The following MAML1 variants were observed in gnomAD, a reference collection of about 807,000 sequenced individuals.
MAML1 encodes mastermind like transcriptional coactivator 1, also known as mastermind-like protein 1.
Under a neutral mutation model 77.1 loss-of-function variants are expected in MAML1, and 14 were observed. The ratio of observed to expected loss-of-function variants is 0.18; its 90% CI spans 0.12 to 0.28. MAML1 has a LOEUF of 0.28. Ranked by LOEUF, MAML1 falls within the 10% of genes least tolerant of loss-of-function variation. The pLI is 1.00. For synonymous variants in MAML1, 516 were observed against 551.9 expected (o/e 0.93, Z 0.91); for missense variants, 1,217 against 1,327.8 (o/e 0.92, Z 1.30).
intron 1 of MAML1, among the ~76,000 whole-genome samples, chr5:179,750,561 A>G (rs987344119): frequency 6.6e-6 from 1 of 151,968 alleles, no homozygotes; most frequent in African/African-American, 2.4e-5. Flanking sequence ...CCCGGGCTCA[A>G]GCTATTCTCC....
intron 1 of MAML1, among the ~76,000 whole-genome samples, chr5:179,735,982 G>A (rs988502095): frequency 1.3e-5 from 2 of 152,028 alleles, no homozygotes; most frequent in African/African-American, 2.4e-5. Flanking sequence ...CACCGCGCCC[G>A]GCCTATGCTA....
chr5:179,744,414 C>G (rs187856124), intron 1 of MAML1, among the ~76,000 whole-genome samples: 1 of 152,150 alleles, frequency 6.6e-6, no homozygotes, highest in African/African-American at 2.4e-5. Context: ...CTTGAACCTC[C>G]TGACCTCATG....
intron 1 of MAML1, among the ~76,000 whole-genome samples, chr5:179,746,328 G>C (rs562422802): frequency 6.6e-5 from 10 of 152,100 alleles, no homozygotes; most frequent in Admixed American, 6.5e-4. Flanking sequence ...CCTGGCGGCA[G>C]AGCGAGACTC....
At chr5:179,756,018 C>T (rs1779607971) in intron 1 of MAML1, among the ~76,000 whole-genome samples, 1 of 151,650 alleles carries the variant, frequency 6.6e-6, no homozygotes, top group Non-Finnish European at 1.5e-5. Context: ...CCTGCCTCAG[C>T]TTCCCAAAGT....
intron 1 of MAML1, among the ~76,000 whole-genome samples, chr5:179,749,970 G>T (rs558266393): frequency 1.7e-4 from 26 of 152,330 alleles, no homozygotes; most frequent in Non-Finnish European, 2.6e-4. Flanking sequence ...TCTTGCTCAC[G>T]ACTTCCTCAG....
chr5:179,752,344 A>ATATATATATATATATAT lies in MAML1; in HGVS notation c.316-12982_316-12981insTATATATATATATATAT, dbSNP rs1292142222. Among the ~76,000 whole-genome samples, 35 of 93,194 alleles carry ATATATATATATATATAT rather than the reference A, an allele frequency of 3.8e-4. 2 individuals carry two copies. Among genetic ancestry groups the ATATATATATATATATAT allele is most frequent in the Non-Finnish European group, 5.3e-4 (26 of 49,094 alleles). The allele number at this position is 93,194 out of a possible 152,430, so 61.1% of individuals were successfully genotyped here. On this transcript the variant is annotated intron_variant, in intron 1 of 4. Coordinates refer to ENST00000292599, the MANE Select transcript of MAML1 (RefSeq NM_014757.5). ...TGTCTCCAAAAAAAAAAAAAAAAAAAAAAAAAATATATATATATATATGGT... is the reference window on the plus strand; with the variant it reads ...TGTCTCCAAAAAAAAAAAAAAAAAAATATATATATATATATATAAAAAAATATATATATATATATGGT...
At chr5:179,736,543 G>T (rs1034279212) in intron 1 of MAML1, among the ~76,000 whole-genome samples, 4 of 151,854 alleles carry the variant, frequency 2.6e-5, no homozygotes, top group African/African-American at 7.2e-5. Context: ...GAGCCGCCAC[G>T]CTTGGCCTGT....
chr5:179,733,088 GC>G lies in MAML1; in HGVS notation c.-22del. 1 of 1,332,802 alleles carries G rather than the reference GC, an allele frequency of 7.5e-7. No individual in the cohort carries two copies. The highest frequency in any genetic ancestry group is 9.6e-7 in the Non-Finnish European group (1 of 1,041,972). 82.6% of individuals were successfully genotyped at this position (1,332,802 alleles called of 1,614,324 possible). ...CCGGCCCCGAGAGGCCCGGCCCCGG[GC>G]CCGGCCCGTGCAGCCCGCGGCCCAT... On this transcript the variant is annotated 5_prime_UTR_variant, in exon 1 of 5. Coordinates refer to ENST00000292599, the MANE Select transcript of MAML1 (RefSeq NM_014757.5).
rs549813058 is a variant in MAML1, at chr5:179,742,100, TGACCTCAGGTGATCCACCCGCCTC to T, written c.315+8675_315+8698del. Among the ~76,000 whole-genome samples, 1,006 of 151,492 alleles carry T rather than the reference TGACCTCAGGTGATCCACCCGCCTC, an allele frequency of 6.6e-3. 8 individuals carry two copies. The highest frequency in any genetic ancestry group is 0.012 in the Non-Finnish European group (788 of 67,728). On this transcript the variant is annotated intron_variant, in intron 1 of 4. Transcript: ENST00000292599. ...GTTTGCCAGATTGGTCTCGAACTCC[TGACCTCAGGTGATCCACCCGCCTC>T]GGTCTCCCAAAGTGCCGGGATTACA... is the stretch of plus-strand genomic sequence containing the variant.
chr5:179,776,947 G>C lies in MAML1; in HGVS notation c.*2070G>C. 1.0e-6 allele frequency: 1 copy of C among 985,642 alleles called. No individual in the cohort carries two copies. The highest frequency in any genetic ancestry group is 1.2e-6 in the Non-Finnish European group (1 of 829,750). The allele number at this position is 985,642 out of a possible 1,614,324, so 61.1% of individuals were successfully genotyped here. A position where few individuals can be genotyped will look rare whatever the true frequency, so the allele number is the denominator to read the frequency against. On this transcript the variant is annotated 3_prime_UTR_variant, in exon 5 of 5. Transcript: ENST00000292599. The stretch of plus-strand genomic sequence containing the variant: ...CAGGAGCCACAACTCAGAAGAAAAG[G>C]GTGCTCAGACTTTTGTTATACACAT...
intron 1 of MAML1, among the ~76,000 whole-genome samples, chr5:179,744,061 G>T (rs1195827558): frequency 6.6e-6 from 1 of 152,028 alleles, no homozygotes; most frequent in Non-Finnish European, 1.5e-5. Flanking sequence ...TTTTCTCCTG[G>T]AACTTGCATT....
At chr5:179,752,345 AAAAAAATAT>A (rs1386686365) in intron 1 of MAML1, among the ~76,000 whole-genome samples, 1 of 113,906 alleles carries the variant, frequency 8.8e-6, no homozygotes, top group Admixed American at 1.1e-4. Flanking sequence ...AAAAAAAAAA[AAAAAAATAT>A]ATATATATAT....
chr5:179,758,599 A>G (rs578243256), intron 1 of MAML1, among the ~76,000 whole-genome samples: 23 of 152,102 alleles, frequency 1.5e-4, no homozygotes, highest in Non-Finnish European at 2.5e-4. Flanking sequence ...TGTGTTGCCC[A>G]GGCTGGTCTT....
Position 179,768,913 on chromosome 5 carries a change from G to C in MAML1, c.1795G>C (p.Ala599Pro). 1 of 1,614,174 alleles carries C rather than the reference G, an allele frequency of 6.2e-7. No homozygotes were observed. The stretch of plus-strand genomic sequence containing the variant: ...TACCAGTGTTGGGACCCAGCCGCCT[G>C]CCGTGTCCGTGGCCAGCTCCCACAA... Reference protein sequence around the residue: ...QATSVGTQPPAVSVASSHNSS... With the variant: ...QATSVGTQPPPVSVASSHNSS... The change falls in exon 3 of 5, where the codon GCC (alanine) becomes CCC (proline). Residue 599 changes from alanine (A) to proline (P), a missense_variant. Ala to Pro is a conservative substitution (Grantham distance 27, BLOSUM62 -1). Transcript: ENST00000292599.
chr5:179,774,754 G>T lies in MAML1; in HGVS notation c.2928G>T (p.Gly976=), dbSNP rs754895484. 3.7e-6 allele frequency: 6 copies of T among 1,613,110 alleles called. No individual in the cohort carries two copies. In the Admixed American group the frequency reaches 6.7e-5, roughly 18 times the overall value. Residue 976 remains glycine, a synonymous_variant, in exon 5 of 5, where the codon GGG becomes GGT. Transcript: ENST00000292599. ...AGQELPFAYS[G]QPGGSGLSSV... ...AGGAGCTGCCTTTTGCCTATAGCGG[G>T]CAGCCAGGTGGCAGTGGGCTCTCTA...
chr5:179,753,477 G>A (rs1779545401), intron 1 of MAML1, among the ~76,000 whole-genome samples: 1 of 151,976 alleles, frequency 6.6e-6, no homozygotes, highest in Non-Finnish European at 1.5e-5. Flanking sequence ...ATTTGTAAAG[G>A]GAATAAGGGT....
chr5:179,769,372 A>T lies in MAML1; in HGVS notation c.1971+283A>T, dbSNP rs1471389599. The stretch of plus-strand genomic sequence containing the variant: ...GGGACATTTTCCTATGTTTCAGGTC[A>T]GCAGCTTCCAAGCCACTGAGCTCAC... On this transcript the variant is annotated intron_variant, in intron 3 of 4. Transcript: ENST00000292599. This position sits in a 1 kb window ranked among gnomAD's most constrained non-coding sequence, Gnocchi z 4.2. Among the ~76,000 whole-genome samples, 1 of 152,156 alleles carries T rather than the reference A, an allele frequency of 6.6e-6. No homozygotes were observed. The highest frequency in any genetic ancestry group is 1.5e-5 in the Non-Finnish European group (1 of 68,020).
chr5:179,773,233 A>G (rs1304829412), intron 4 of MAML1, among the ~76,000 whole-genome samples: 1 of 152,156 alleles, frequency 6.6e-6, no homozygotes, highest in African/African-American at 2.4e-5. Context: ...TCTGGCCGGA[A>G]CTAGCTCTTC....
Position 179,776,462 on chromosome 5 carries a change from A to G in MAML1, c.*1585A>G, listed in dbSNP as rs1390984450. The G allele has an allele frequency of 2.0e-6, 2 of 985,778 alleles. No individual in the cohort carries two copies. The highest frequency in any genetic ancestry group is 2.4e-6 in the Non-Finnish European group (2 of 829,928). The allele number at this position is 985,778 out of a possible 1,614,324, so 61.1% of individuals were successfully genotyped here. A position where few individuals can be genotyped will look rare whatever the true frequency, so the allele number is the denominator to read the frequency against. On this transcript the variant is annotated 3_prime_UTR_variant, in exon 5 of 5. Transcript: ENST00000292599. ...CCTCAGATCTTCTTTTCTAATAGCC[A>G]TTTGCCACCCCAAGTGGTATGTCGG... is the stretch of plus-strand genomic sequence containing the variant.
Sources: gnomAD v4.1 joint callset for allele counts (sites outside exome capture counted in the v4.1 genomes callset) on GRCh38, gnomAD v4.1.1 for gene constraint, Gnocchi (gnomAD v3.1) non-coding constraint, MANE v1.5 for transcripts, NCBI Gene and HGNC (gene_info 2026-07-23, HGNC 2026-07-21) for gene names.